Variants in PHLDB1 observed in about 807,000 individuals in gnomAD.
PHLDB1 encodes pleckstrin homology-like domain family B member 1.
PHLDB1 carries 65 observed loss-of-function variants against 139.3 expected under a neutral mutation model. The observed-to-expected ratio is 0.47, with a 90% CI of 0.38 to 0.57. The LOEUF (loss-of-function observed/expected upper bound fraction) is 0.57. PHLDB1 is among the 20% of genes least tolerant of loss of function. The pLI, the probability that PHLDB1 is intolerant of heterozygous loss-of-function variation, is 0.00. For missense variants in PHLDB1, 1,624 were observed against 1,839.7 expected (o/e 0.88, Z 2.14); for synonymous variants, 679 against 734.5 (o/e 0.92, Z 1.22).
intron 5 of PHLDB1, 131 bp downstream of exon 5, chr11:118,625,190 C>A: frequency 9.1e-7 from 1 of 1,102,784 alleles, no homozygotes; most frequent in Non-Finnish European, 1.3e-6. Flanking sequence ...TGCCACCTGC[C>A]ATGGGCGGGT....
rs1939566861 is a variant in PHLDB1, at chr11:118,608,680, C to T, written c.-22+981C>T. On this transcript the variant is annotated intron_variant, in intron 1 of 22. Coordinates refer to ENST00000600882, the MANE Select transcript of PHLDB1 (RefSeq NM_001144758.3). The surrounding 1 kb of genome is among the most constrained non-coding windows in gnomAD (Gnocchi z 6.7). ...CGCAAACGCAGGCGCCCCACCACGC[C>T]GGGCTCCCACGCGGCACACACGCAC... 6.6e-6 allele frequency among the ~76,000 whole-genome samples: 1 copy of T among 152,256 alleles called. No individual in the cohort carries two copies. The highest frequency in any genetic ancestry group is 1.9e-4 in the East Asian group (1 of 5,174).
upstream of PHLDB1, among the ~76,000 whole-genome samples, chr11:118,607,251 C>T (rs565243098): frequency 5.2e-4 from 76 of 146,564 alleles, no homozygotes; most frequent in Admixed American, 1.1e-3. Flanking sequence ...AAAACACCCT[C>T]TCAAAAGCGT....
chr11:118,630,752 G>A (rs1251219403), intron 6 of PHLDB1, among the ~76,000 whole-genome samples: 9 of 152,082 alleles, frequency 5.9e-5, no homozygotes, highest in African/African-American at 1.9e-4. Flanking sequence ...ATGTGTCCTT[G>A]TGTCTGTAGA....
chr11:118,639,403 G>A (rs1946161307), intron 12 of PHLDB1, 152 bp downstream of exon 12: 3 of 646,928 alleles, frequency 4.6e-6, no homozygotes, highest in African/African-American at 1.8e-5. Context: ...CCAAGCTCTG[G>A]GATTTGATTT....
rs60176755 is a variant in PHLDB1, at chr11:118,611,832, A to ATAAT, written c.-21-1984_-21-1983insTAAT. Among the ~76,000 whole-genome samples the ATAAT allele has an allele frequency of 5.4e-5, 8 of 147,088 alleles. No homozygotes were observed. Among genetic ancestry groups the ATAAT allele is most frequent in the East Asian group, 3.9e-4 (2 of 5,076 alleles). On this transcript the variant is annotated intron_variant, in intron 1 of 22. Transcript: ENST00000600882. The surrounding 1 kb of genome is among the most constrained non-coding windows in gnomAD (Gnocchi z 4.7). ...AAACTCCGTCTCAAAAAAAAAAAAA[A>ATAAT]AATAATAATAATAATAATAAATGGC...
At position 118,648,008 on chromosome 11, in the gene PHLDB1, AG is replaced by A. The variant is rs782751279; in HGVS notation, c.3587del (p.Ser1196MetfsTer27). On this transcript the variant is annotated frameshift_variant, in exon 18 of 23. Coordinates refer to ENST00000600882, the MANE Select transcript of PHLDB1 (RefSeq NM_001144758.3). LOFTEE classifies it high-confidence loss of function. ...TGAGCAGGTAGAACGGAGGCTGCAG[AG>A]TGAGAGTGCCCGGAGGCAGCAGCTG... Reference protein sequence around the residue: ...RREQVERRLQSESARRQQLVE... With the variant: ...RREQVERRLQXESARRQQLVE... 1.9e-6 allele frequency: 3 copies of A among 1,611,714 alleles called. No individual in the cohort carries two copies. Among genetic ancestry groups the A allele is most frequent in the Non-Finnish European group, 2.5e-6 (3 of 1,178,840 alleles).
Position 118,650,189 on chromosome 11 carries a change from G to A in PHLDB1, c.3767G>A (p.Ser1256Asn), listed in dbSNP as rs781845616. 6.2e-7 allele frequency: 1 copy of A among 1,609,914 alleles called. No homozygotes were observed. The change falls in exon 19 of 23, where the codon AGC becomes AAC. Residue 1256 changes from serine (S) to asparagine (N), a missense_variant. Ser to Asn is a conservative substitution (Grantham distance 46). Coordinates refer to ENST00000600882, the MANE Select transcript of PHLDB1 (RefSeq NM_001144758.3). The surrounding 1 kb of genome is among the most constrained non-coding windows in gnomAD (Gnocchi z 4.7). Reference sequence around the variant, plus strand: ...ACCTGCCTGCACGTGGTGCTCAGCAGCAAGGTACAAGGCGTGTGTGGCCCT... The same window carrying A: ...ACCTGCCTGCACGTGGTGCTCAGCAACAAGGTACAAGGCGTGTGTGGCCCT... ...VDTCLHVVLS[S>N]KVCRGYLVKM...
At chr11:118,609,400 G>GCAGCCCAGCTCACACATACACTCCAGCTC (rs1565378295) in intron 1 of PHLDB1, among the ~76,000 whole-genome samples, 3 of 129,866 alleles carry the variant, frequency 2.3e-5, no homozygotes, top group Admixed American at 8.3e-5. Context: ...CAGCCCAGCT[G>GCAGCCCAGCTCACACATACACTCCAGCTC]ACACACGCAG....
rs782159532 is a variant in PHLDB1, at chr11:118,642,361, G to C, written c.2844G>C (p.Pro948=). ...PAAASPHSSP[P]PLPAKASRQL... ...CAGCCTCCCCTCACTCTTCTCCCCC[G>C]CCTCTGCCCGCCAAAGCTTCCCGTC... is the stretch of plus-strand genomic sequence containing the variant. The change falls in exon 13 of 23, where the codon CCG becomes CCC. Residue 948 remains proline (P), a synonymous_variant. Coordinates refer to ENST00000600882, the MANE Select transcript of PHLDB1 (RefSeq NM_001144758.3). 5.6e-6 allele frequency: 9 copies of C among 1,610,392 alleles called. No homozygotes were observed. In the Admixed American group the frequency reaches 1.5e-4, roughly 27 times the overall value.
At chr11:118,629,981 G>C in intron 6 of PHLDB1, 1 of 1,284,554 alleles carries the variant, frequency 7.8e-7, no homozygotes, top group Non-Finnish European at 1.0e-6. Context: ...CCTGGGGCAG[G>C]GGTGGAGGCA....
rs1346750127 is a variant in PHLDB1 at position 118,632,539 on chromosome 11, G to A, written c.2379+243G>A. 1 of 558,558 alleles carries A rather than the reference G, an allele frequency of 1.8e-6. No individual in the cohort carries two copies. The highest frequency in any genetic ancestry group is 3.0e-5 in the East Asian group (1 of 33,166). 34.6% of individuals were successfully genotyped at this position (558,558 alleles called of 1,614,324 possible). On this transcript the variant is annotated intron_variant, in intron 9 of 22. Transcript: ENST00000600882. This position sits in a 1 kb window ranked among gnomAD's most constrained non-coding sequence, Gnocchi z 5.9. Reference sequence around the variant, plus strand: ...CTGTCTGGGTCTGTGTGCTACCTCTGGGTGCCTGCCATCCTAGGCCCTTTA... The same window carrying A: ...CTGTCTGGGTCTGTGTGCTACCTCTAGGTGCCTGCCATCCTAGGCCCTTTA...
In PHLDB1 at chr11:118,610,064, C is replaced by T. The variant is rs1939866890; in HGVS notation, c.-22+2365C>T. Among the ~76,000 whole-genome samples the T allele has an allele frequency of 6.6e-6, 1 of 151,852 alleles. No homozygotes were observed. Among genetic ancestry groups the T allele is most frequent in the African/African-American group, 2.4e-5 (1 of 41,344 alleles). On this transcript the variant is annotated intron_variant, in intron 1 of 22. Transcript: ENST00000600882. This position sits in a 1 kb window ranked among gnomAD's most constrained non-coding sequence, Gnocchi z 8.7. Reference sequence around the variant, plus strand: ...CTGCCCTCGCGCATCCCCAGTGTTCCCGTCTGTCGTCGCCTCCACTTGAGG... The same window carrying T: ...CTGCCCTCGCGCATCCCCAGTGTTCTCGTCTGTCGTCGCCTCCACTTGAGG...
At position 118,645,485 on chromosome 11, in the gene PHLDB1, C is replaced by T. The variant is rs782439340; in HGVS notation, c.3251C>T (p.Pro1084Leu). The stretch of plus-strand genomic sequence containing the variant: ...TTCCCAGCGGGCCCCTCGGGCTTCC[C>T]CCCTCTCATGCACCACTCTATCCTA... Reference protein sequence around the residue: ...APFPAGPSGFPPLMHHSILHH... With the variant: ...APFPAGPSGFLPLMHHSILHH... The change falls in exon 16 of 23, where the codon CCC (proline) becomes CTC (leucine). Residue 1084 changes from proline to leucine, a missense_variant. By Grantham distance (98) the Pro-to-Leu change is moderately conservative. Coordinates refer to ENST00000600882, the MANE Select transcript of PHLDB1 (RefSeq NM_001144758.3). The surrounding 1 kb of genome is among the most constrained non-coding windows in gnomAD (Gnocchi z 5.1). 3 of 1,611,868 alleles carry T rather than the reference C, an allele frequency of 1.9e-6. No homozygotes were observed. The highest frequency in any genetic ancestry group is 2.2e-5 in the East Asian group (1 of 44,874).
At position 118,628,014 on chromosome 11, in the gene PHLDB1, A is replaced by G. The variant is rs782703487; in HGVS notation, c.1191A>G (p.Thr397=). Residue 397 remains threonine, a synonymous_variant, in exon 6 of 23, where the codon ACA becomes ACG. Coordinates refer to ENST00000600882, the MANE Select transcript of PHLDB1 (RefSeq NM_001144758.3). The part of the protein sequence containing the change: ...PVPAPRNKIG[T]LQDRPPSPFR... ...CTGCTCCCCGAAACAAGATTGGCAC[A>G]CTCCAGGACCGCCCTCCCAGCCCTT... 6.2e-6 allele frequency: 10 copies of G among 1,612,918 alleles called. No individual in the cohort carries two copies. Among genetic ancestry groups the G allele is most frequent in the Non-Finnish European group, 7.6e-6 (9 of 1,179,798 alleles).
At chr11:118,638,723 G>A (rs1555117358) in intron 10 of PHLDB1, among the ~76,000 whole-genome samples, 168 bp from the exon 11 acceptor site, 2 of 152,262 alleles carry the variant, frequency 1.3e-5, no homozygotes, top group East Asian at 3.9e-4. Flanking sequence ...CCGAGGGAAG[G>A]AGCCCACATG....
At chr11:118,606,976 G>C (rs1301349840), upstream of PHLDB1, among the ~76,000 whole-genome samples, 6 of 152,022 alleles carry the variant, frequency 3.9e-5, no homozygotes, top group Non-Finnish European at 8.8e-5. Flanking sequence ...GAGTCTTCTT[G>C]TGCCTATCCT....
At chr11:118,629,628 G>A (rs1555107949) in intron 6 of PHLDB1, among the ~76,000 whole-genome samples, 1 of 152,210 alleles carries the variant, frequency 6.6e-6, no homozygotes, top group East Asian at 1.9e-4. Flanking sequence ...GGACAGTTTT[G>A]GATGAGGGTA....
At position 118,648,090 on chromosome 11, in the gene PHLDB1, G is replaced by T. The variant is rs61902660; in HGVS notation, c.3654+14G>T. On this transcript the variant is annotated intron_variant, in intron 18 of 22. Coordinates refer to ENST00000600882, the MANE Select transcript of PHLDB1 (RefSeq NM_001144758.3). The stretch of plus-strand genomic sequence containing the variant: ...CAATTTTCCCAGGTGAATGGGCAGT[G>T]GGGCACAGTGGTGGTTGGTTTGACG... The T allele has an allele frequency of 6.2e-7, 1 of 1,611,872 alleles. No individual in the cohort carries two copies. Among genetic ancestry groups the T allele is most frequent in the Non-Finnish European group, 8.5e-7 (1 of 1,178,740 alleles).
In PHLDB1 at chr11:118,632,524, C is replaced by T. The variant is rs2136274926; in HGVS notation, c.2379+228C>T. The T allele has an allele frequency of 1.7e-6, 1 of 585,040 alleles. No individual in the cohort carries two copies. The highest frequency in any genetic ancestry group is 2.1e-5 in the South Asian group (1 of 47,430). 36.2% of individuals were successfully genotyped at this position (585,040 alleles called of 1,614,324 possible). A position where few individuals can be genotyped will look rare whatever the true frequency, so the allele number is the denominator to read the frequency against. On this transcript the variant is annotated intron_variant, in intron 9 of 22. Transcript: ENST00000600882. This position sits in a 1 kb window ranked among gnomAD's most constrained non-coding sequence, Gnocchi z 5.9. The stretch of plus-strand genomic sequence containing the variant: ...TGTCTGGGGTCTCCTCTGTCTGGGT[C>T]TGTGTGCTACCTCTGGGTGCCTGCC...
Sources: gnomAD v4.1 joint callset for allele counts (sites outside exome capture counted in the v4.1 genomes callset) on GRCh38, gnomAD v4.1.1 for gene constraint, Gnocchi (gnomAD v3.1) non-coding constraint, MANE v1.5 for transcripts, NCBI Gene and HGNC (gene_info 2026-07-23, HGNC 2026-07-21) for gene names.